Variants in RHPN2 observed in about 807,000 individuals in gnomAD.
RHPN2 encodes the protein rhophilin-2.
In RHPN2, 40 loss-of-function variants were observed where a neutral mutation model predicts 79.0. That is an observed-to-expected ratio of 0.51 (90% CI 0.39 to 0.66). The LOEUF (loss-of-function observed/expected upper bound fraction) is 0.66, where lower values mean the gene tolerates loss of function less well. Ranked by LOEUF, RHPN2 falls within the 30% of genes least tolerant of loss-of-function variation. The probability of loss-of-function intolerance (pLI) is 0.00; values close to 1 mark genes in which losing one functional copy is unlikely to be tolerated. For synonymous variants in RHPN2, 285 were observed against 363.5 expected (o/e 0.78, Z 2.46); for missense variants, 686 against 883.5 (o/e 0.78, Z 2.83).
At chr19:33,011,920 A>T in intron 5 of RHPN2, 117 bp from the exon 6 acceptor site, 1 of 1,316,714 alleles carries the variant, frequency 7.6e-7, no homozygotes, top group Middle Eastern at 2.4e-4. Flanking sequence ...CAGTATGATG[A>T]CCTCGCTACT....
chr19:32,990,773 G>A (rs1971652407), intron 13 of RHPN2, 104 bp from the exon 14 acceptor site: 17 of 1,398,496 alleles, frequency 1.2e-5, no homozygotes, highest in Admixed American at 1.8e-5. Flanking sequence ...CATCAAGAAA[G>A]CAAAAATTCA....
At chr19:33,006,639 T>A (rs11084690) in intron 7 of RHPN2, among the ~76,000 whole-genome samples, 37,365 of 152,114 alleles carry the variant, frequency 0.25, 4,851 homozygotes, top group Non-Finnish European at 0.28. Flanking sequence ...CTTGCATCCA[T>A]CCCCACGTGG....
intron 14 of RHPN2, 60 bp from the exon 15 acceptor site, chr19:32,980,316 T>C: frequency 1.9e-6 from 3 of 1,610,250 alleles, no homozygotes; most frequent in Non-Finnish European, 2.5e-6. Flanking sequence ...TGATAAAAAC[T>C]ACGAAGTTTG....
chr19:32,980,043 G>T lies in RHPN2; in HGVS notation c.2014C>A (p.Leu672Met). The stretch of plus-strand genomic sequence containing the variant: ...TTGAGAAGGCTGAAAGGGGAGGGCA[G>T]CTTCTTCTTGACCTGAGGCCGTGCA... ...GAARPQVKKKLPSPFSLLNSD... is the reference protein window; with the variant it reads ...GAARPQVKKKMPSPFSLLNSD... Residue 672 changes from leucine to methionine, a missense_variant, in exon 15 of 15, where the codon CTG becomes ATG. Coordinates refer to ENST00000254260, the MANE Select transcript of RHPN2 (RefSeq NM_033103.5). 6.2e-7 allele frequency: 1 copy of T among 1,613,926 alleles called. No individual in the cohort carries two copies. The highest frequency in any genetic ancestry group is 8.5e-7 in the Non-Finnish European group (1 of 1,179,838).
chr19:33,011,113 T>A (rs967002856), intron 6 of RHPN2, among the ~76,000 whole-genome samples: 3 of 152,184 alleles, frequency 2.0e-5, no homozygotes, highest in Admixed American at 6.6e-5. Context: ...TTCCTTTTTT[T>A]AAATCTGATC....
chr19:33,022,612 G>C (rs1971933992), intron 3 of RHPN2, among the ~76,000 whole-genome samples: 1 of 152,202 alleles, frequency 6.6e-6, no homozygotes, highest in Non-Finnish European at 1.5e-5. Context: ...CGTAACCACA[G>C]GTCGCCTGGG....
intron 2 of RHPN2, among the ~76,000 whole-genome samples, chr19:33,028,466 T>G (rs1243816876): frequency 6.6e-6 from 1 of 152,186 alleles, no homozygotes; most frequent in East Asian, 1.9e-4. Flanking sequence ...CAATTCTATT[T>G]CTATATACTA....
At chr19:32,991,570 T>G (rs1465513055) in intron 13 of RHPN2, among the ~76,000 whole-genome samples, 1 of 151,872 alleles carries the variant, frequency 6.6e-6, no homozygotes, top group Non-Finnish European at 1.5e-5. Context: ...AAGCAGAAGC[T>G]GCAGTGAGCC....
At chr19:33,014,517 G>A (rs1424150911) in intron 4 of RHPN2, among the ~76,000 whole-genome samples, 1 of 151,978 alleles carries the variant, frequency 6.6e-6, no homozygotes, top group African/African-American at 2.4e-5. Context: ...TGTTGCCTAG[G>A]CTGGTCTCGG....
In RHPN2 at chr19:32,980,273, A is replaced by G. The variant is rs1568307001; in HGVS notation, c.1801-17T>C. On this transcript the variant is annotated splice_polypyrimidine_tract_variant and intron_variant, in intron 14 of 14. Transcript: ENST00000254260. ...CTTATTATGCTGCACATAGAAAAGT[A>G]AGAAAAAGGGCGTCAGGCATCATCA... is the stretch of plus-strand genomic sequence containing the variant. The G allele has an allele frequency of 6.2e-7, 1 of 1,613,582 alleles. No homozygotes were observed.
chr19:33,058,162 A>G (rs1222053675), intron 1 of RHPN2, among the ~76,000 whole-genome samples: 1 of 152,146 alleles, frequency 6.6e-6, no homozygotes, highest in African/African-American at 2.4e-5. Flanking sequence ...TCCATTTCAG[A>G]AACAAAAAAA....
intron 4 of RHPN2, among the ~76,000 whole-genome samples, chr19:33,015,232 C>A (rs7508609): frequency 1.3e-5 from 2 of 152,054 alleles, no homozygotes; most frequent in African/African-American, 2.4e-5. Flanking sequence ...CAAGACCAGC[C>A]TGGCCAGCGT....
intron 14 of RHPN2, among the ~76,000 whole-genome samples, chr19:32,981,422 G>GGGT (rs1260096750): frequency 8.3e-6 from 1 of 120,008 alleles, no homozygotes; most frequent in Non-Finnish European, 1.7e-5. Flanking sequence ...AAAAAAGGGG[G>GGGT]GGGGCGGGGG....
chr19:32,990,550 C>G lies in RHPN2; in HGVS notation c.1764G>C (p.Met588Ile), dbSNP rs765760890. ...TGGAGTCCAGGAGGCTCACGACTTT[C>G]ATCTCGATCTCGTCCTCGCCAAAGC... is the stretch of plus-strand genomic sequence containing the variant. ...LKSFGEDEIE[M>I]KVVSLLDSTS... is the part of the protein sequence containing the mutation. The change falls in exon 14 of 15, where the codon ATG (methionine) becomes ATC (isoleucine). Residue 588 changes from methionine to isoleucine, a missense_variant. By Grantham distance (10) the Met-to-Ile change is conservative. Coordinates refer to ENST00000254260, the MANE Select transcript of RHPN2 (RefSeq NM_033103.5). 1.9e-6 allele frequency: 3 copies of G among 1,613,764 alleles called. No individual in the cohort carries two copies. In the Admixed American group the frequency reaches 5.0e-5, roughly 27 times the overall value.
At chr19:33,039,359 G>A (rs1225490823) in intron 2 of RHPN2, among the ~76,000 whole-genome samples, 1 of 152,098 alleles carries the variant, frequency 6.6e-6, no homozygotes, top group Non-Finnish European at 1.5e-5. Flanking sequence ...ACAACTGACG[G>A]TGTGAGCTGT....
In RHPN2 at chr19:33,044,979, A is replaced by G. The variant is rs370213566; in HGVS notation, c.70-615T>C. Among the ~76,000 whole-genome samples, 19 of 152,150 alleles carry G rather than the reference A, an allele frequency of 1.2e-4. No homozygotes were observed. In the East Asian group the frequency reaches 3.5e-3, roughly 28 times the overall value. On this transcript the variant is annotated intron_variant, in intron 1 of 14. Transcript: ENST00000254260. ...TCAGGGCTACCCATGGGCCAGCCCA[A>G]TCATCCTCCAGGACAGAAAGGCACC...
At chr19:33,029,543 A>AAAG (rs1260595647) in intron 2 of RHPN2, among the ~76,000 whole-genome samples, 1 of 151,884 alleles carries the variant, frequency 6.6e-6, no homozygotes, top group Non-Finnish European at 1.5e-5. Flanking sequence ...AAAAAAAAAA[A>AAAG]AAGAAGAAGA....
At chr19:33,062,884 TC>T (rs1483723283) in intron 1 of RHPN2, among the ~76,000 whole-genome samples, 2 of 152,044 alleles carry the variant, frequency 1.3e-5, no homozygotes, top group African/African-American at 4.8e-5. Flanking sequence ...GAGCAAGAAG[TC>T]CTCCCCTGGG....
At chr19:33,008,571 A>T (rs1971812248) in intron 6 of RHPN2, among the ~76,000 whole-genome samples, 1 of 152,040 alleles carries the variant, frequency 6.6e-6, no homozygotes, top group Non-Finnish European at 1.5e-5. Context: ...GGAGTTTGAG[A>T]CCAGCGTGGC....
Sources: allele counts gnomAD v4.1 joint callset (sites outside exome capture counted in the v4.1 genomes callset), GRCh38; gene constraint gnomAD v4.1.1; transcripts MANE v1.5; gene names NCBI Gene and HGNC (gene_info 2026-07-23, HGNC 2026-07-21).